Variants in DSCAM observed in about 807,000 individuals in gnomAD.
The protein encoded by DSCAM is cell adhesion molecule DSCAM.
Under a neutral mutation model 217.7 loss-of-function variants are expected in DSCAM, and 47 were observed. That is an observed-to-expected ratio of 0.22 (90% confidence interval 0.17 to 0.28). The LOEUF is 0.28. Among genes scored for constraint, DSCAM ranks in the 10% least tolerant of loss-of-function variants. The pLI is 1.00. For missense variants in DSCAM, 2,080 were observed against 2,618.3 expected, an observed-to-expected ratio of 0.79 and a Z score of 4.49; for synonymous variants, 1,056 against 1,015.3, an observed-to-expected ratio of 1.04 and a Z score of -0.76.
In DSCAM at chr21:40,780,423, G is replaced by GTGTATATATATCTATATATCTATC. The variant is rs1007015659; in HGVS notation, c.43+66195_43+66196insGATAGATATATAGATATATATACA. Among the ~76,000 whole-genome samples the GTGTATATATATCTATATATCTATC allele has an allele frequency of 1.6e-4, 9 of 56,434 alleles. No individual in the cohort carries two copies. The South Asian group carries it at 5.9e-3, about 37-fold the overall frequency. 37.0% of individuals were successfully genotyped at this position (56,434 alleles called of 152,430 possible). A position where few individuals can be genotyped will look rare whatever the true frequency, so the allele number is the denominator to read the frequency against. On this transcript the variant is annotated intron_variant, in intron 1 of 32. Coordinates refer to ENST00000400454, the MANE Select transcript of DSCAM (RefSeq NM_001389.5). Reference sequence around the variant, plus strand: ...CGTGTGTGTGTGTGTGTGTGTGTGTGTATATATATATATATATATATATAT... The same window carrying GTGTATATATATCTATATATCTATC: ...CGTGTGTGTGTGTGTGTGTGTGTGTGTGTATATATATCTATATATCTATCTATATATATATATATATATATATAT...
chr21:40,520,229 C>A (rs1033363114), intron 3 of DSCAM, among the ~76,000 whole-genome samples: 1 of 152,038 alleles, frequency 6.6e-6, no homozygotes, highest in African/African-American at 2.4e-5. Context: ...TGGTGGTATA[C>A]TTACTTGCTC....
rs144306908 is a variant in DSCAM at position 40,649,478 on chromosome 21, T to C, written c.508+43332A>G. Among the ~76,000 whole-genome samples the C allele has an allele frequency of 6.9e-3, 1,051 of 152,362 alleles. 4 individuals are homozygous for C. The highest frequency in any genetic ancestry group is 0.011 in the Non-Finnish European group (728 of 68,040). On this transcript the variant is annotated intron_variant, in intron 3 of 32. Coordinates refer to ENST00000400454, the MANE Select transcript of DSCAM (RefSeq NM_001389.5). ...GATTACCAACTACTACAGAAGAATT[T>C]AAAATATATATACTTTAGCAACACA...
intron 27 of DSCAM, among the ~76,000 whole-genome samples, chr21:40,064,415 A>G (rs959945004): frequency 4.6e-5 from 7 of 152,158 alleles, no homozygotes; most frequent in African/African-American, 1.4e-4. Context: ...TCGGTCAGTC[A>G]TCACAGCTCT....
intron 3 of DSCAM, among the ~76,000 whole-genome samples, chr21:40,472,175 G>T (rs1219691693): frequency 6.6e-6 from 1 of 152,188 alleles, no homozygotes; most frequent in African/African-American, 2.4e-5. Context: ...TCTCTTTGTG[G>T]CAGTTTTAGT....
rs118162024 is a variant in DSCAM, at chr21:40,622,190, C to T, written c.508+70620G>A. 1.1e-3 allele frequency among the ~76,000 whole-genome samples: 165 copies of T among 152,176 alleles called. 1 individual carries two copies. The highest frequency in any genetic ancestry group is 3.4e-3 in the Middle Eastern group (1 of 294). Reference sequence around the variant, plus strand: ...TCACCTGCCTCCTATTTTCTTACCCCTTGACCTTCACCTGACCCCTGAAGT... The same window carrying T: ...TCACCTGCCTCCTATTTTCTTACCCTTTGACCTTCACCTGACCCCTGAAGT... On this transcript the variant is annotated intron_variant, in intron 3 of 32. Coordinates refer to ENST00000400454, the MANE Select transcript of DSCAM (RefSeq NM_001389.5).
chr21:40,451,430 T>C (rs1054571926), intron 3 of DSCAM, among the ~76,000 whole-genome samples: 1 of 152,180 alleles, frequency 6.6e-6, no homozygotes, highest in Non-Finnish European at 1.5e-5. Flanking sequence ...TAAAGAAATT[T>C]CCACATCAAA....
chr21:40,814,251 CA>C (rs1332405514), intron 1 of DSCAM, among the ~76,000 whole-genome samples: 2 of 152,230 alleles, frequency 1.3e-5, no homozygotes, highest in Admixed American at 1.3e-4. Flanking sequence ...CAGAACCATG[CA>C]GACTCTCTGG....
intron 3 of DSCAM, among the ~76,000 whole-genome samples, chr21:40,493,473 A>G (rs1391005025): frequency 1.3e-5 from 2 of 152,236 alleles, no homozygotes; most frequent in African/African-American, 4.8e-5. Context: ...TATCTTTAGT[A>G]TGAAGGTTCA....
At chr21:40,145,980 A>ATGTG (rs1555883493) in intron 16 of DSCAM, among the ~76,000 whole-genome samples, 91 of 111,702 alleles carry the variant, frequency 8.1e-4, no homozygotes, top group African/African-American at 2.2e-3. Flanking sequence ...ATACATGTGT[A>ATGTG]TGTATGTATA....
intron 11 of DSCAM, among the ~76,000 whole-genome samples, chr21:40,210,021 AC>A (rs548726201): frequency 1.1e-3 from 172 of 152,276 alleles, no homozygotes; most frequent in African/African-American, 3.6e-3. Context: ...GTTTCCAGTT[AC>A]CCACTAACTC....
chr21:40,290,360 C>T (rs1018545629), intron 10 of DSCAM, among the ~76,000 whole-genome samples: 1 of 152,184 alleles, frequency 6.6e-6, no homozygotes, highest in South Asian at 2.1e-4. Context: ...CGGTGGCTCA[C>T]GTCTGTAATC....
chr21:40,212,064 G>A (rs2091190565), intron 11 of DSCAM, among the ~76,000 whole-genome samples: 1 of 151,866 alleles, frequency 6.6e-6, no homozygotes, highest in African/African-American at 2.4e-5. Context: ...CCGCCTCCCA[G>A]GTTCAAGCAT....
rs116991235 is a variant in DSCAM at position 40,542,880 on chromosome 21, G to A, written c.508+149930C>T. On this transcript the variant is annotated intron_variant, in intron 3 of 32. Transcript: ENST00000400454. ...CCAGGTCTTCCTAGTCCAGCATCAT[G>A]TCACAATATTAGAAACGACCCCAGG... Among the ~76,000 whole-genome samples, 967 of 152,170 alleles carry A rather than the reference G, an allele frequency of 6.4e-3. 9 individuals carry two copies. The highest frequency in any genetic ancestry group is 0.044 in the Middle Eastern group (13 of 294).
intron 11 of DSCAM, among the ~76,000 whole-genome samples, chr21:40,243,668 T>C (rs1213499244): frequency 1.3e-5 from 2 of 152,170 alleles, no homozygotes; most frequent in African/African-American, 4.8e-5. Context: ...AATCCTAGAT[T>C]TTTTGCTCCT....
At chr21:40,296,203 T>G in intron 9 of DSCAM, 29 bp from the exon 10 acceptor site, 4 of 1,612,476 alleles carry the variant, frequency 2.5e-6, no homozygotes, top group Non-Finnish European at 3.4e-6. Flanking sequence ...CACCAGTAAT[T>G]AAGACTAGAC....
intron 1 of DSCAM, among the ~76,000 whole-genome samples, chr21:40,750,077 G>A (rs1206619823): frequency 5.9e-5 from 9 of 151,982 alleles, no homozygotes; most frequent in South Asian, 2.1e-4. Flanking sequence ...ACAGGTGCCC[G>A]CCACCACACC....
chr21:40,677,776 G>T (rs774824563), intron 3 of DSCAM, among the ~76,000 whole-genome samples: 2 of 151,958 alleles, frequency 1.3e-5, no homozygotes, highest in Admixed American at 1.3e-4. Context: ...GACACCATTC[G>T]CCTCTTCTGC....
At chr21:40,517,979 G>A (rs2076316843) in intron 3 of DSCAM, among the ~76,000 whole-genome samples, 2 of 151,886 alleles carry the variant, frequency 1.3e-5, no homozygotes, top group South Asian at 2.1e-4. Flanking sequence ...CCAACCTCTG[G>A]GTCCCATGCT....
At chr21:40,683,004 T>A (rs147980493) in intron 3 of DSCAM, among the ~76,000 whole-genome samples, 1 of 152,092 alleles carries the variant, frequency 6.6e-6, no homozygotes, top group East Asian at 1.9e-4. Flanking sequence ...AGAAGAAACA[T>A]GAGAAAGTCA....
Sources: gnomAD v4.1 joint callset for allele counts (sites outside exome capture counted in the v4.1 genomes callset) on GRCh38, gnomAD v4.1.1 for gene constraint, MANE v1.5 for transcripts, NCBI Gene and HGNC (gene_info 2026-07-23, HGNC 2026-07-21) for gene names.